The following FAM76B variants were observed in gnomAD, a reference collection of about 807,000 sequenced individuals.
The protein encoded by FAM76B is family with sequence similarity 76 member B, also known as protein FAM76B.
Under a neutral mutation model 51.8 loss-of-function variants are expected in FAM76B, and 16 were observed. The ratio of observed to expected loss-of-function variants is 0.31; its 90% CI spans 0.21 to 0.47. The LOEUF (loss-of-function observed/expected upper bound fraction) is 0.47. FAM76B is among the 20% of genes least tolerant of loss of function. The probability of loss-of-function intolerance (pLI) is 1.00; values close to 1 mark genes in which losing one functional copy is unlikely to be tolerated. For synonymous variants in FAM76B, 166 were observed against 129.5 expected, an observed-to-expected ratio of 1.28 and a Z score of -1.91; for missense variants, 342 against 392.6, an observed-to-expected ratio of 0.87 and a Z score of 1.09.
At position 95,787,677 on chromosome 11, in the gene FAM76B, T is replaced by C. The variant is rs1860675792; in HGVS notation, c.154A>G (p.Lys52Glu). ...CACTTCTTACAAATTGTGTTAGTTT[T>C]GCTGAAAAATAAATTGTATATAGAT... Reference protein sequence around the residue: ...YCRSEFQQESKTNTICKKCAQ... With the variant: ...YCRSEFQQESETNTICKKCAQ... The change falls in exon 3 of 10, where the codon AAA becomes GAA. Residue 52 changes from lysine (K) to glutamate (E), a missense_variant and splice_region_variant. Lys to Glu is a moderately conservative substitution (Grantham distance 56). This residue lies in a region of FAM76B where 96 missense variants were observed against 94.7 expected (regional missense o/e 1.01). Transcript: ENST00000358780. 6.2e-7 allele frequency: 1 copy of C among 1,604,164 alleles called. No individual in the cohort carries two copies. The highest frequency in any genetic ancestry group is 1.3e-5 in the African/African-American group (1 of 74,788).
rs778797251 is a variant in FAM76B, at chr11:95,786,224, C to T, written c.258G>A (p.Lys86=). Reference sequence around the variant, plus strand: ...TTTCTGAATTTGTGCAACGCTGACACTTGGTACCAATAAATGCTGCAATTA... The same window carrying T: ...TTTCTGAATTTGTGCAACGCTGACATTTGGTACCAATAAATGCTGCAATTA... ...CNIIAAFIGT[K]CQRCTNSEKK... Residue 86 remains lysine (K), a synonymous_variant, in exon 4 of 10, where the codon AAG becomes AAA. Transcript: ENST00000358780. The T allele has an allele frequency of 2.9e-5, 47 of 1,614,022 alleles. No individual in the cohort carries two copies. The highest frequency in any genetic ancestry group is 3.4e-5 in the Non-Finnish European group (40 of 1,180,010).
intron 9 of FAM76B, among the ~76,000 whole-genome samples, chr11:95,771,865 T>G (rs967530639): frequency 6.6e-6 from 1 of 151,040 alleles, no homozygotes; most frequent in Non-Finnish European, 1.5e-5. Context: ...CCTTTGTATA[T>G]GTCATTATTA....
chr11:95,788,101 T>C (rs1305590266), intron 2 of FAM76B, among the ~76,000 whole-genome samples: 1 of 152,232 alleles, frequency 6.6e-6, no homozygotes, highest in African/African-American at 2.4e-5. Flanking sequence ...CTGTTAAAAA[T>C]GTTACGTACT....
Position 95,789,755 on chromosome 11 carries a change from T to A in FAM76B, c.-277A>T. 2.3e-6 allele frequency: 1 copy of A among 436,012 alleles called. No individual in the cohort carries two copies. Among genetic ancestry groups the A allele is most frequent in the Non-Finnish European group, 4.1e-6 (1 of 246,684 alleles). The allele number at this position is 436,012 out of a possible 1,614,324, so 27.0% of individuals were successfully genotyped here. A position where few individuals can be genotyped will look rare whatever the true frequency, so the allele number is the denominator to read the frequency against. ...GAGGGAGACGAAGCGGGTAGGGGGT[T>A]GCTGTTTAGCTGTGCGGCCGTGGAT... On this transcript the variant is annotated 5_prime_UTR_variant, in exon 1 of 10. Coordinates refer to ENST00000358780, the MANE Select transcript of FAM76B (RefSeq NM_144664.5).
rs770137201 is a variant in FAM76B at position 95,789,552 on chromosome 11, C to T, written c.-74G>A. 1.4e-4 allele frequency: 197 copies of T among 1,387,126 alleles called. 1 individual carries two copies. Among genetic ancestry groups the T allele is most frequent in the Non-Finnish European group, 1.8e-4 (180 of 1,020,948 alleles). 85.9% of individuals were successfully genotyped at this position (1,387,126 alleles called of 1,614,324 possible). A position where few individuals can be genotyped will look rare whatever the true frequency, so the allele number is the denominator to read the frequency against. Reference sequence around the variant, plus strand: ...CCTACGGAGAACCCGAGAGCCGCCGCCGCCCGGGCCGCGGGCTCCTCCTCC... The same window carrying T: ...CCTACGGAGAACCCGAGAGCCGCCGTCGCCCGGGCCGCGGGCTCCTCCTCC... On this transcript the variant is annotated 5_prime_UTR_variant, in exon 1 of 10. Transcript: ENST00000358780.
intron 4 of FAM76B, among the ~76,000 whole-genome samples, chr11:95,785,353 A>T (rs1860506845): frequency 6.6e-6 from 1 of 152,214 alleles, no homozygotes; most frequent in Non-Finnish European, 1.5e-5. Context: ...TGGGAACTTT[A>T]AAGAACTACC....
intron 2 of FAM76B, 79 bp from the exon 3 acceptor site, chr11:95,787,757 A>G (rs1392743331): frequency 1.6e-6 from 2 of 1,237,448 alleles, no homozygotes; most frequent in African/African-American, 3.0e-5. Flanking sequence ...AAAATGAGTC[A>G]AAGATTTGTT....
At chr11:95,774,528 A>G (rs2120192065) in intron 9 of FAM76B, among the ~76,000 whole-genome samples, 1 of 151,604 alleles carries the variant, frequency 6.6e-6, no homozygotes, top group South Asian at 2.1e-4. Flanking sequence ...TATTGCAGTT[A>G]TTCTGTTATC....
Position 95,789,594 on chromosome 11 carries a change from T to A in FAM76B, c.-116A>T. The A allele has an allele frequency of 1.1e-6, 1 of 873,416 alleles. No individual in the cohort carries two copies. The highest frequency in any genetic ancestry group is 1.7e-6 in the Non-Finnish European group (1 of 591,554). The allele number at this position is 873,416 out of a possible 1,614,324, so 54.1% of individuals were successfully genotyped here. ...TCCTCCTCCTCCCCCTCCCCCTGCC[T>A]CGCGCCCACCAGGGCCTCGCCGCGA... is the stretch of plus-strand genomic sequence containing the variant. On this transcript the variant is annotated 5_prime_UTR_variant, in exon 1 of 10. Coordinates refer to ENST00000358780, the MANE Select transcript of FAM76B (RefSeq NM_144664.5).
Position 95,771,355 on chromosome 11 carries a change from A to T in FAM76B, c.*206T>A, listed in dbSNP as rs1859756830. 6 of 431,910 alleles carry T rather than the reference A, an allele frequency of 1.4e-5. No homozygotes were observed. Among genetic ancestry groups the T allele is most frequent in the Non-Finnish European group, 2.5e-5 (6 of 235,448 alleles). 26.8% of individuals were successfully genotyped at this position (431,910 alleles called of 1,614,324 possible). ...AAAGTTCCTGGATATCAAATAATTA[A>T]AAAGTTACTTCAAACCAGTTGAAGT... On this transcript the variant is annotated 3_prime_UTR_variant, in exon 10 of 10. Coordinates refer to ENST00000358780, the MANE Select transcript of FAM76B (RefSeq NM_144664.5).
intron 9 of FAM76B, among the ~76,000 whole-genome samples, chr11:95,772,564 G>A (rs910423338): frequency 6.6e-6 from 1 of 151,094 alleles, no homozygotes; most frequent in East Asian, 1.9e-4. Context: ...GGAAAGTGAT[G>A]AAAATAGAGC....
At chr11:95,786,501 A>C (rs1400308803) in intron 3 of FAM76B, 1 of 421,440 alleles carries the variant, frequency 2.4e-6, no homozygotes, top group African/African-American at 2.0e-5. Flanking sequence ...GATCGTGAGA[A>C]ATAGATTTGT....
At chr11:95,774,810 A>G (rs899577720) in intron 9 of FAM76B, among the ~76,000 whole-genome samples, 5 of 151,284 alleles carry the variant, frequency 3.3e-5, no homozygotes, top group African/African-American at 1.2e-4. Flanking sequence ...AATGCCTACT[A>G]TGTCTCAGGT....
At chr11:95,789,312 G>T (rs867401792) in intron 1 of FAM76B, 80 bp downstream of exon 1, 5 of 1,438,474 alleles carry the variant, frequency 3.5e-6, no homozygotes, top group Middle Eastern at 2.2e-4. Context: ...GCGAAGAGGG[G>T]CTGCAGTGCA....
At chr11:95,779,961 T>C in intron 5 of FAM76B, 35 bp from the exon 6 acceptor site, 1 of 1,545,372 alleles carries the variant, frequency 6.5e-7, no homozygotes, top group Non-Finnish European at 8.8e-7. Flanking sequence ...AATAATGACA[T>C]TTATTTATTT....
chr11:95,787,619 CT>C lies in FAM76B; in HGVS notation c.207+4del. ...CAATGACATGAAAACATAAGACATA[CT>C]TACCGTCCCAAATTGCTTCACATTT... On this transcript the variant is annotated splice_donor_region_variant and intron_variant, in intron 3 of 9. Transcript: ENST00000358780. 6.2e-7 allele frequency: 1 copy of C among 1,609,614 alleles called. No individual in the cohort carries two copies. The highest frequency in any genetic ancestry group is 8.5e-7 in the Non-Finnish European group (1 of 1,177,102).
chr11:95,778,519 T>C (rs2120222814), intron 8 of FAM76B, among the ~76,000 whole-genome samples: 2 of 151,716 alleles, frequency 1.3e-5, no homozygotes, highest in Middle Eastern at 3.4e-3. Flanking sequence ...TTATGAAATA[T>C]TCCATTTACA....
At chr11:95,780,336 T>C (rs984488315) in intron 5 of FAM76B, among the ~76,000 whole-genome samples, 6 of 151,946 alleles carry the variant, frequency 3.9e-5, no homozygotes, top group Non-Finnish European at 8.8e-5. Flanking sequence ...TCTTTTGGAG[T>C]AACTCAAGTT....
chr11:95,788,657 T>C, intron 1 of FAM76B, 94 bp from the exon 2 acceptor site: 1 of 1,343,740 alleles, frequency 7.4e-7, no homozygotes, highest in Non-Finnish European at 1.0e-6. Context: ...AGTGAAAGTC[T>C]AAAACATTTA....
Sources: allele counts gnomAD v4.1 joint callset (sites outside exome capture counted in the v4.1 genomes callset), GRCh38; gene constraint gnomAD v4.1.1; regional missense constraint gnomAD v4.1.1; transcripts MANE v1.5; gene names NCBI Gene and HGNC (gene_info 2026-07-23, HGNC 2026-07-21).